KCNK9: variants seen among roughly 807,000 people sequenced by gnomAD.
KCNK9 encodes potassium channel subfamily K member 9.
A neutral mutation model predicts 10.8 loss-of-function variants in KCNK9; 1 was observed. The ratio of observed to expected loss-of-function variants is 0.09; its 90% CI spans 0.03 to 0.44. The LOEUF (loss-of-function observed/expected upper bound fraction) is 0.44. Ranked by LOEUF, KCNK9 falls within the 20% of genes least tolerant of loss-of-function variation. The pLI, the probability that KCNK9 is intolerant of heterozygous loss-of-function variation, is 0.97. For synonymous variants in KCNK9, 231 were observed against 222.7 expected, an observed-to-expected ratio of 1.04 and a Z score of -0.33; for missense variants, 303 against 515.0, an observed-to-expected ratio of 0.59 and a Z score of 3.98.
intron 1 of KCNK9, among the ~76,000 whole-genome samples, chr8:139,682,107 C>G (rs1374998705): frequency 6.6e-6 from 1 of 152,296 alleles, no homozygotes; most frequent in East Asian, 1.9e-4. Flanking sequence ...AGAAGCCCTC[C>G]GAATGGGACC....
At chr8:139,659,801 C>T (rs1031591085) in intron 1 of KCNK9, among the ~76,000 whole-genome samples, 2 of 151,120 alleles carry the variant, frequency 1.3e-5, no homozygotes, top group Non-Finnish European at 2.9e-5. Context: ...GGAATACGGG[C>T]GTGAGCCACT....
chr8:139,610,195 G>T (rs1046479066), downstream of KCNK9, among the ~76,000 whole-genome samples: 3 of 152,180 alleles, frequency 2.0e-5, no homozygotes, highest in African/African-American at 7.2e-5. Flanking sequence ...TGGGTCACCA[G>T]CACTCACCTT....
chr8:139,653,868 G>T (rs1049939616), intron 1 of KCNK9, among the ~76,000 whole-genome samples: 1 of 152,214 alleles, frequency 6.6e-6, no homozygotes, highest in Non-Finnish European at 1.5e-5. Flanking sequence ...CAGGAATTTT[G>T]CTTGGGGTAG....
chr8:139,636,448 C>T (rs1815342135), intron 1 of KCNK9, among the ~76,000 whole-genome samples: 1 of 152,252 alleles, frequency 6.6e-6, no homozygotes, highest in Non-Finnish European at 1.5e-5. Flanking sequence ...AAGCCATTTG[C>T]CTGTCCAGAT....
chr8:139,702,948 G>T lies in KCNK9; in HGVS notation c.45C>A (p.Thr15=). ...CGGCGCCCACCAGCAGGTAGGTGAA[G>T]GTGCAGACGATGAGGGACAGAGTCC... ...NVRTLSLIVC[T]FTYLLVGAAV... Residue 15 remains threonine (T), a synonymous_variant, in exon 1 of 2, where the codon ACC becomes ACA. Coordinates refer to ENST00000520439, the MANE Select transcript of KCNK9 (RefSeq NM_001282534.2). The surrounding 1 kb of genome is among the most constrained non-coding windows in gnomAD (Gnocchi z 7.5). 1 of 1,610,700 alleles carries T rather than the reference G, an allele frequency of 6.2e-7. No homozygotes were observed. Among genetic ancestry groups the T allele is most frequent in the Non-Finnish European group, 8.5e-7 (1 of 1,178,700 alleles).
chr8:139,665,954 C>G (rs1232279045), intron 1 of KCNK9, among the ~76,000 whole-genome samples: 1 of 152,204 alleles, frequency 6.6e-6, no homozygotes, highest in Non-Finnish European at 1.5e-5. Context: ...GGGTTAAATG[C>G]ATCAACACCC....
downstream of KCNK9, among the ~76,000 whole-genome samples, chr8:139,609,391 G>A (rs1337599180): frequency 1.3e-5 from 2 of 152,224 alleles, no homozygotes; most frequent in Non-Finnish European, 2.9e-5. Flanking sequence ...CCTTTGCTGG[G>A]CCAAGTGGCC....
At chr8:139,701,427 C>A (rs1198015979) in intron 1 of KCNK9, among the ~76,000 whole-genome samples, 1 of 151,768 alleles carries the variant, frequency 6.6e-6, no homozygotes, top group Non-Finnish European at 1.5e-5. Flanking sequence ...GCATATGGCA[C>A]TGAGAAATCC....
At chr8:139,652,027 G>C (rs977741108) in intron 1 of KCNK9, among the ~76,000 whole-genome samples, 1 of 152,070 alleles carries the variant, frequency 6.6e-6, no homozygotes, top group Non-Finnish European at 1.5e-5. Context: ...CATTCTTTGT[G>C]TGCCTGGAGC....
intron 1 of KCNK9, among the ~76,000 whole-genome samples, chr8:139,687,468 T>TGTATA (rs2129782155): frequency 2.4e-5 from 1 of 40,876 alleles, no homozygotes; most frequent in African/African-American, 7.8e-5. Context: ...ATTCATATAT[T>TGTATA]CATATATATG....
At chr8:139,619,338 A>G (rs1014346934) in intron 1 of KCNK9, among the ~76,000 whole-genome samples, 3 of 152,096 alleles carry the variant, frequency 2.0e-5, no homozygotes, top group Non-Finnish European at 4.4e-5. Context: ...ACATTTCAGT[A>G]GGGAGGGAGT....
At chr8:139,646,904 T>C (rs530165122) in intron 1 of KCNK9, among the ~76,000 whole-genome samples, 72 of 152,382 alleles carry the variant, frequency 4.7e-4, no homozygotes, top group African/African-American at 1.6e-3. Context: ...AATGACTGTG[T>C]GAAGCTCTAT....
At chr8:139,663,146 T>G (rs1398793784) in intron 1 of KCNK9, among the ~76,000 whole-genome samples, 1 of 152,136 alleles carries the variant, frequency 6.6e-6, no homozygotes, top group Admixed American at 6.5e-5. Context: ...ACCCAGAGCC[T>G]CTGCTGAAAT....
chr8:139,657,217 G>T (rs1306409270), intron 1 of KCNK9, among the ~76,000 whole-genome samples: 1 of 152,200 alleles, frequency 6.6e-6, no homozygotes, highest in African/African-American at 2.4e-5. Flanking sequence ...GCATTCTGGT[G>T]CCCCTAACTA....
At chr8:139,646,842 C>A (rs1281018849) in intron 1 of KCNK9, among the ~76,000 whole-genome samples, 1 of 152,204 alleles carries the variant, frequency 6.6e-6, no homozygotes, top group Non-Finnish European at 1.5e-5. Context: ...GAGCACCAAC[C>A]AGTACCTCTC....
At chr8:139,610,325 T>G (rs1814381967), downstream of KCNK9, among the ~76,000 whole-genome samples, 1 of 152,208 alleles carries the variant, frequency 6.6e-6, no homozygotes, top group Non-Finnish European at 1.5e-5. Context: ...CTTAGCCAGC[T>G]TCAGTCCCAG....
chr8:139,639,483 C>A (rs1408606158), intron 1 of KCNK9, among the ~76,000 whole-genome samples: 1 of 152,184 alleles, frequency 6.6e-6, no homozygotes, highest in Admixed American at 6.5e-5. Flanking sequence ...GAGACTCAGG[C>A]CCACAGCTGG....
At chr8:139,634,707 A>G (rs1323405079) in intron 1 of KCNK9, among the ~76,000 whole-genome samples, 4 of 152,136 alleles carry the variant, frequency 2.6e-5, no homozygotes, top group Non-Finnish European at 5.9e-5. Flanking sequence ...TTCCCCAAAC[A>G]GCTAGACATG....
At position 139,672,195 on chromosome 8, in the gene KCNK9, C is replaced by G. The variant is rs141869297; in HGVS notation, c.283+30515G>C. Among the ~76,000 whole-genome samples the G allele has an allele frequency of 5.1e-4, 78 of 152,280 alleles. No individual in the cohort carries two copies. The East Asian group carries it at 0.015, about 28-fold the overall frequency. ...CTTGGAGGTGGCTTTCTGGGTTCCT[C>G]CTCTCTAGGACAGGACACACACCAC... On this transcript the variant is annotated intron_variant, in intron 1 of 1. Transcript: ENST00000520439.
Sources: gnomAD v4.1 joint callset for allele counts (sites outside exome capture counted in the v4.1 genomes callset) on GRCh38, gnomAD v4.1.1 for gene constraint, Gnocchi (gnomAD v3.1) non-coding constraint, MANE v1.5 for transcripts, NCBI Gene and HGNC (gene_info 2026-07-23, HGNC 2026-07-21) for gene names.